ADGRB3: variants seen among roughly 807,000 people sequenced by gnomAD.
ADGRB3 encodes the protein brain-specific angiogenesis inhibitor 3.
Under a neutral mutation model 193.4 loss-of-function variants are expected in ADGRB3, and 37 were observed. The observed-to-expected ratio is 0.19, with a 90% CI of 0.15 to 0.25. The LOEUF is 0.25. Among genes scored for constraint, ADGRB3 ranks in the 10% least tolerant of loss-of-function variants. The pLI is 1.00. For missense variants in ADGRB3, 1,637 were observed against 1,852.9 expected, an observed-to-expected ratio of 0.88 and a Z score of 2.14; for synonymous variants, 690 against 644.2, an observed-to-expected ratio of 1.07 and a Z score of -1.08.
chr6:69,125,088 G>T (rs1052785954), intron 17 of ADGRB3, among the ~76,000 whole-genome samples: 1 of 152,108 alleles, frequency 6.6e-6, no homozygotes, highest in Non-Finnish European at 1.5e-5. Flanking sequence ...TGACAAGCAG[G>T]CTTCCTCTTA....
chr6:68,999,298 A>T (rs1271051723), intron 11 of ADGRB3, among the ~76,000 whole-genome samples: 3 of 139,580 alleles, frequency 2.1e-5, no homozygotes, highest in African/African-American at 8.1e-5. Flanking sequence ...GGAGTCTCGC[A>T]CTGTCGCCCA....
At position 69,361,019 on chromosome 6, in the gene ADGRB3, T is replaced by C; in HGVS notation, c.3746T>C (p.Ile1249Thr). The C allele has an allele frequency of 6.2e-7, 1 of 1,612,788 alleles. No homozygotes were observed. Among genetic ancestry groups the C allele is most frequent in the Non-Finnish European group, 8.5e-7 (1 of 1,179,200 alleles). ...TLPGNVISKV[I>T]IQQPTGLHMP... The stretch of plus-strand genomic sequence containing the variant: ...CCTGGAAATGTCATTTCCAAAGTCA[T>C]CATCCAGCAACCCACAGGTTTGCAC... The change falls in exon 29 of 32, where the codon ATC becomes ACC. Residue 1249 changes from isoleucine to threonine, a missense_variant. Transcript: ENST00000370598.
At chr6:69,367,326 T>A (rs1769593794) in intron 29 of ADGRB3, among the ~76,000 whole-genome samples, 1 of 152,116 alleles carries the variant, frequency 6.6e-6, no homozygotes. Flanking sequence ...CAAAAGATTG[T>A]CACAATGTGT....
At position 68,947,742 on chromosome 6, in the gene ADGRB3, G is replaced by T. The variant is rs79199785; in HGVS notation, c.1195+3748G>T. Among the ~76,000 whole-genome samples the T allele has an allele frequency of 3.7e-4, 57 of 152,190 alleles. 1 individual carries two copies. In the East Asian group the frequency reaches 0.01, roughly 27 times the overall value. The stretch of plus-strand genomic sequence containing the variant: ...ATAGGATGGGTATTACTATTGTAAT[G>T]CTATTGTAATACTATTGTAATGGGG... On this transcript the variant is annotated intron_variant, in intron 6 of 31. Coordinates refer to ENST00000370598, the MANE Select transcript of ADGRB3 (RefSeq NM_001704.3).
intron 3 of ADGRB3, among the ~76,000 whole-genome samples, chr6:68,869,052 A>G (rs1384501688): frequency 1.3e-5 from 2 of 152,102 alleles, no homozygotes; most frequent in Non-Finnish European, 2.9e-5. Flanking sequence ...GGAGATGCCA[A>G]TGAAATTAAT....
chr6:69,325,300 C>T (rs1324679685), intron 21 of ADGRB3, among the ~76,000 whole-genome samples: 1 of 151,604 alleles, frequency 6.6e-6, no homozygotes, highest in African/African-American at 2.4e-5. Context: ...AAAAACAGTG[C>T]TCTCTGTTAA....
chr6:69,320,817 A>ATG (rs1491560826), intron 20 of ADGRB3, among the ~76,000 whole-genome samples: 13 of 104,966 alleles, frequency 1.2e-4, no homozygotes, highest in African/African-American at 3.7e-4. Context: ...GTGCTTGTGC[A>ATG]TGTGTGTATG....
At chr6:68,965,657 G>A (rs1036741363) in intron 8 of ADGRB3, among the ~76,000 whole-genome samples, 3 of 152,078 alleles carry the variant, frequency 2.0e-5, no homozygotes, top group Non-Finnish European at 2.9e-5. Flanking sequence ...ACTTTAAGGG[G>A]CATGCTAACT....
intron 20 of ADGRB3, among the ~76,000 whole-genome samples, chr6:69,282,401 T>A (rs1194084690): frequency 6.6e-6 from 1 of 152,264 alleles, no homozygotes; most frequent in East Asian, 1.9e-4. Flanking sequence ...AATATTTTTT[T>A]AAAAGAGAGA....
chr6:69,147,502 G>T (rs1225461333), intron 17 of ADGRB3, among the ~76,000 whole-genome samples: 5 of 152,134 alleles, frequency 3.3e-5, no homozygotes, highest in Non-Finnish European at 7.3e-5. Context: ...TGTGATCAGA[G>T]AAGACACTTC....
At chr6:68,983,467 A>G (rs1308013099) in intron 10 of ADGRB3, among the ~76,000 whole-genome samples, 2 of 148,956 alleles carry the variant, frequency 1.3e-5, no homozygotes, top group African/African-American at 4.9e-5. Context: ...TATAACATAT[A>G]TATAGTATAT....
At chr6:69,182,313 A>C (rs961387341) in intron 17 of ADGRB3, among the ~76,000 whole-genome samples, 1 of 152,046 alleles carries the variant, frequency 6.6e-6, no homozygotes, top group Admixed American at 6.6e-5. Flanking sequence ...ACAAATCACC[A>C]CTAAAGAACT....
chr6:68,920,283 C>A (rs957996317), intron 3 of ADGRB3, among the ~76,000 whole-genome samples: 1 of 151,960 alleles, frequency 6.6e-6, no homozygotes, highest in East Asian at 1.9e-4. Flanking sequence ...TTTGGGAGGC[C>A]GAGGCAGGTG....
At chr6:69,143,653 G>A (rs891426591) in intron 17 of ADGRB3, among the ~76,000 whole-genome samples, 3 of 152,120 alleles carry the variant, frequency 2.0e-5, no homozygotes, top group Non-Finnish European at 2.9e-5. Context: ...TTTCTGCAAT[G>A]TATATTCTTG....
chr6:69,012,565 A>G (rs992579343), intron 11 of ADGRB3, among the ~76,000 whole-genome samples: 1 of 152,104 alleles, frequency 6.6e-6, no homozygotes, highest in Non-Finnish European at 1.5e-5. Flanking sequence ...AATGGCTGGT[A>G]GTACAAAAAG....
intron 3 of ADGRB3, among the ~76,000 whole-genome samples, chr6:68,796,532 G>C (rs1303762836): frequency 2.0e-5 from 3 of 152,070 alleles, no homozygotes; most frequent in Admixed American, 2.0e-4. Context: ...TTACTATTTT[G>C]TCTCAAAACT....
intron 17 of ADGRB3, among the ~76,000 whole-genome samples, chr6:69,122,296 A>G (rs868647216): frequency 6.1e-4 from 93 of 151,630 alleles, no homozygotes; most frequent in Middle Eastern, 3.4e-3. Context: ...CAAAAATACA[A>G]AAACCAGTCA....
intron 17 of ADGRB3, among the ~76,000 whole-genome samples, chr6:69,231,446 G>A (rs549401735): frequency 4.3e-4 from 66 of 152,254 alleles, no homozygotes; most frequent in Non-Finnish European, 7.8e-4. Flanking sequence ...CTGCCATCCA[G>A]TATGAATAAT....
chr6:69,092,074 C>T (rs906832148), intron 17 of ADGRB3, among the ~76,000 whole-genome samples: 1 of 152,196 alleles, frequency 6.6e-6, no homozygotes, highest in Non-Finnish European at 1.5e-5. Flanking sequence ...CCTTTTCTCT[C>T]CAGCTTCTTC....
Sources: gnomAD v4.1 joint callset for allele counts (sites outside exome capture counted in the v4.1 genomes callset) on GRCh38, gnomAD v4.1.1 for gene constraint, MANE v1.5 for transcripts, NCBI Gene and HGNC (gene_info 2026-07-23, HGNC 2026-07-21) for gene names.